The following ZNF701 variants were observed in gnomAD, a reference collection of about 807,000 sequenced individuals.
The protein encoded by ZNF701 is zinc finger protein 701.
In ZNF701, 6 loss-of-function variants were observed where a neutral mutation model predicts 7.1. The observed-to-expected ratio is 0.84, with a 90% CI of 0.46 to 1.66. The LOEUF (loss-of-function observed/expected upper bound fraction) is 1.66, where lower values mean the gene tolerates loss of function less well. Among genes scored for constraint, ZNF701 ranks in the 40% most tolerant of loss-of-function variants. The probability of loss-of-function intolerance (pLI) is 0.01; values close to 1 mark genes in which losing one functional copy is unlikely to be tolerated. For synonymous variants in ZNF701, 166 were observed against 188.2 expected, an observed-to-expected ratio of 0.88 and a Z score of 0.97; for missense variants, 541 against 559.2, an observed-to-expected ratio of 0.97 and a Z score of 0.33.
downstream of ZNF701, chr19:52,588,525 C>T (rs2060024381): frequency 3.4e-6 from 1 of 296,932 alleles, no homozygotes; most frequent in South Asian, 3.7e-5. Context: ...TATTTTTTTA[C>T]ACACAGGATT....
chr19:52,579,973 G>T lies in ZNF701; in HGVS notation c.143-2229G>T, dbSNP rs969568130. ...TTATTATTTTTTTAGATGGAGTCTC[G>T]CTCTGTAGCCCAGGCTGGAGTGCAG... On this transcript the variant is annotated intron_variant, in intron 3 of 3. Transcript: ENST00000391785. Among the ~76,000 whole-genome samples the T allele has an allele frequency of 2.1e-5, 3 of 142,434 alleles. 1 individual carries two copies. The highest frequency in any genetic ancestry group is 6.1e-5 in the African/African-American group (2 of 32,930). 93.4% of individuals were successfully genotyped at this position (142,434 alleles called of 152,430 possible).
chr19:52,570,395 G>T, intron 1 of ZNF701, 65 bp downstream of exon 1: 1 of 152,522 alleles, frequency 6.6e-6, no homozygotes, highest in South Asian at 2.0e-4. Flanking sequence ...CCGTACCTGG[G>T]ACGTGGGGTC....
chr19:52,592,250 A>C, the ZNF701 span: 1 of 1,565,268 alleles, frequency 6.4e-7, no homozygotes, highest in East Asian at 2.2e-5. Flanking sequence ...ATCCCTCCAG[A>C]CATGAGGAAT....
At chr19:52,578,082 G>A (rs1313389192) in intron 3 of ZNF701, among the ~76,000 whole-genome samples, 4 of 151,530 alleles carry the variant, frequency 2.6e-5, no homozygotes, top group Admixed American at 6.6e-5. Context: ...GTGAAACCCC[G>A]TCTCTACTAA....
intron 3 of ZNF701, among the ~76,000 whole-genome samples, chr19:52,580,160 GTC>G (rs1400031824): frequency 6.9e-6 from 1 of 144,244 alleles, no homozygotes; most frequent in Non-Finnish European, 1.5e-5. Context: ...AGCCAGGATG[GTC>G]TCAATCTCCT....
In ZNF701 at chr19:52,583,957, C is replaced by A; in HGVS notation, c.*500C>A. On this transcript the variant is annotated 3_prime_UTR_variant, in exon 4 of 4. Transcript: ENST00000391785. ...GATCTTATACAGGAGAGAAATCTTACAAATGTGATGATTGTGGCAAGGTCT... is the reference window on the plus strand; with the variant it reads ...GATCTTATACAGGAGAGAAATCTTAAAAATGTGATGATTGTGGCAAGGTCT... 1 of 405,630 alleles carries A rather than the reference C, an allele frequency of 2.5e-6. No homozygotes were observed. Among genetic ancestry groups the A allele is most frequent in the South Asian group, 1.9e-5 (1 of 51,728 alleles). The allele number at this position is 405,630 out of a possible 1,614,324, so 25.1% of individuals were successfully genotyped here.
At position 52,578,040 on chromosome 19, in the gene ZNF701, G is replaced by T. The variant is rs544467541; in HGVS notation, c.142+2019G>T. Among the ~76,000 whole-genome samples, 192 of 152,052 alleles carry T rather than the reference G, an allele frequency of 1.3e-3. 1 individual carries two copies. Among genetic ancestry groups the T allele is most frequent in the African/African-American group, 4.5e-3 (188 of 41,458 alleles). ...GGGTCCAAGGCGGGCAGATCAAGAG[G>T]TCAGGAGATCGAGACCATCCTGGCT... On this transcript the variant is annotated intron_variant, in intron 3 of 3. Transcript: ENST00000391785.
chr19:52,599,644 T>C, the ZNF701 span, among the ~76,000 whole-genome samples: 1 of 152,220 alleles, frequency 6.6e-6, no homozygotes, highest in Admixed American at 6.5e-5. Context: ...TGTCTTTCCC[T>C]GTGTGTGAAA....
intron 1 of ZNF701, chr19:52,572,347 A>C: frequency 3.1e-6 from 4 of 1,288,242 alleles, no homozygotes; most frequent in Non-Finnish European, 4.0e-6. Flanking sequence ...GAGCCACCGC[A>C]CTCAGCCTCC....
At chr19:52,599,480 A>G in the ZNF701 span, among the ~76,000 whole-genome samples, 3 of 152,344 alleles carry the variant, frequency 2.0e-5, no homozygotes, top group East Asian at 5.8e-4. Context: ...AAGACTAAGT[A>G]GCCCCAGAGA....
intron 1 of ZNF701, chr19:52,572,154 A>G (rs961600656): frequency 4.3e-5 from 13 of 300,816 alleles, no homozygotes; most frequent in African/African-American, 1.2e-4. Context: ...CCCGGTTTTA[A>G]GCGATTGTCC....
At position 52,583,678 on chromosome 19, in the gene ZNF701, C is replaced by T. The variant is rs760195673; in HGVS notation, c.*221C>T. ...TGTGATTCACACCTGGCCCAACATACTGGAATTCACACTGGAAAGGAACTG... is the reference window on the plus strand; with the variant it reads ...TGTGATTCACACCTGGCCCAACATATTGGAATTCACACTGGAAAGGAACTG... On this transcript the variant is annotated 3_prime_UTR_variant, in exon 4 of 4. Transcript: ENST00000391785. 1.4e-5 allele frequency: 13 copies of T among 939,814 alleles called. No homozygotes were observed. The highest frequency in any genetic ancestry group is 3.5e-5 in the Admixed American group (2 of 56,780). 58.2% of individuals were successfully genotyped at this position (939,814 alleles called of 1,614,324 possible).
the ZNF701 span, chr19:52,597,267 G>T: frequency 1.8e-6 from 1 of 547,700 alleles, no homozygotes; most frequent in South Asian, 1.4e-5. Context: ...CAAGTGTGAT[G>T]ATTGTGGCAA....
intron 2 of ZNF701, among the ~76,000 whole-genome samples, chr19:52,575,448 T>A (rs201095233): frequency 1.3e-5 from 2 of 151,478 alleles, no homozygotes; most frequent in Non-Finnish European, 2.9e-5. Context: ...GGTTTTATTT[T>A]TTTTTTAACA....
chr19:52,572,367 A>T, intron 1 of ZNF701: 1 of 1,288,916 alleles, frequency 7.8e-7, no homozygotes. Context: ...CCTGTTTTGA[A>T]GGTAACTAGC....
intron 3 of ZNF701, 72 bp from the exon 4 acceptor site, chr19:52,582,130 A>G: frequency 2.3e-6 from 3 of 1,304,378 alleles, no homozygotes; most frequent in South Asian, 1.8e-5. Context: ...TTTTTTATGT[A>G]ATATTTACAC....
intron 3 of ZNF701, among the ~76,000 whole-genome samples, chr19:52,578,712 G>A (rs988049447): frequency 1.3e-5 from 2 of 152,174 alleles, no homozygotes; most frequent in Non-Finnish European, 2.9e-5. Flanking sequence ...CATGTAAATG[G>A]TTTAAACATG....
rs529040011 is a variant in ZNF701, at chr19:52,582,853, C to T, written c.794C>T (p.Thr265Ile). 4.3e-6 allele frequency: 7 copies of T among 1,614,158 alleles called. No homozygotes were observed. In the South Asian group the frequency reaches 7.7e-5, roughly 18 times the overall value. The change falls in exon 4 of 4, where the codon ACT becomes ATT. Residue 265 changes from threonine (T) to isoleucine (I), a missense_variant. Thr to Ile is a moderately conservative substitution (Grantham distance 89). Transcript: ENST00000391785. ...TACCTTGCATGCCATAGATGTCACA[C>T]TGGTGAGAATCCTTACACGTGTAAT... Reference protein sequence around the residue: ...KRYLACHRCHTGENPYTCNEC... With the variant: ...KRYLACHRCHIGENPYTCNEC...
chr19:52,588,832 C>T (rs140128884), downstream of ZNF701, among the ~76,000 whole-genome samples: 16 of 152,292 alleles, frequency 1.1e-4, no homozygotes, highest in African/African-American at 3.8e-4. Flanking sequence ...CAACCTCCAC[C>T]TCCCAGGGTC....
Sources: allele counts gnomAD v4.1 joint callset (sites outside exome capture counted in the v4.1 genomes callset), GRCh38; gene constraint gnomAD v4.1.1; transcripts MANE v1.5; gene names NCBI Gene and HGNC (gene_info 2026-07-23, HGNC 2026-07-21).